IGSF11: variants seen among roughly 807,000 people sequenced by gnomAD.
IGSF11 encodes CXADR like 1.
In IGSF11, 22 loss-of-function variants were observed where a neutral mutation model predicts 41.0. The ratio of observed to expected loss-of-function variants is 0.54; its 90% CI spans 0.38 to 0.77. IGSF11 has a LOEUF of 0.77. Ranked by LOEUF, IGSF11 falls within the 30% of genes least tolerant of loss-of-function variation. IGSF11 has a pLI of 0.00. For synonymous variants in IGSF11, 219 were observed against 201.3 expected, an observed-to-expected ratio of 1.09 and a Z score of -0.74; for missense variants, 444 against 530.8, an observed-to-expected ratio of 0.84 and a Z score of 1.61.
At chr3:118,926,351 A>G in intron 3 of IGSF11, 95 bp from the exon 4 acceptor site, 2 of 1,042,460 alleles carry the variant, frequency 1.9e-6, no homozygotes, top group Non-Finnish European at 2.7e-6. Context: ...GGACCCTTAG[A>G]TTACACTGTT....
At chr3:119,106,897 T>A (rs1164874283), upstream of IGSF11, among the ~76,000 whole-genome samples, 1 of 152,234 alleles carries the variant, frequency 6.6e-6, no homozygotes, top group African/African-American at 2.4e-5. Context: ...TTCATCCATG[T>A]CCCTACAAAG....
intron 1 of IGSF11, among the ~76,000 whole-genome samples, chr3:119,123,764 T>G (rs2077364188): frequency 6.6e-6 from 1 of 152,180 alleles, no homozygotes. Context: ...ACTGCCAAGG[T>G]AGCACCTCGA....
Position 119,059,579 on chromosome 3 carries a change from T to C in IGSF11, c.49+45565A>G, listed in dbSNP as rs529436705. Among the ~76,000 whole-genome samples the C allele has an allele frequency of 4.6e-5, 7 of 152,232 alleles. No homozygotes were observed. In the South Asian group the frequency reaches 1.5e-3, roughly 32 times the overall value. On this transcript the variant is annotated intron_variant, in intron 1 of 6. Transcript: ENST00000354673. ...TGAAATAATTTTTGAAAAGGATACA[T>C]TTATTATTTTTCAGTACAACTAGAA...
upstream of IGSF11, among the ~76,000 whole-genome samples, chr3:119,106,518 G>A (rs182456708): frequency 1.3e-4 from 20 of 152,190 alleles, 1 homozygote; most frequent in African/African-American, 4.8e-4. Context: ...CATCCATGTT[G>A]TCAAAAATAA....
intron 1 of IGSF11, among the ~76,000 whole-genome samples, chr3:119,012,260 T>A (rs1163824824): frequency 6.6e-6 from 1 of 152,164 alleles, no homozygotes; most frequent in African/African-American, 2.4e-5. Context: ...GATTAGTCTC[T>A]CAAGGCAAAT....
intron 1 of IGSF11, among the ~76,000 whole-genome samples, chr3:118,944,368 C>T (rs1206820780): frequency 1.3e-5 from 2 of 151,682 alleles, no homozygotes; most frequent in South Asian, 2.1e-4. Context: ...TCTTACAGTA[C>T]TTTCTTCCAC....
At chr3:119,025,242 G>C (rs191353433) in intron 1 of IGSF11, among the ~76,000 whole-genome samples, 32 of 152,112 alleles carry the variant, frequency 2.1e-4, no homozygotes, top group Non-Finnish European at 2.4e-4. Context: ...TTTCAATACT[G>C]GAAACCATGT....
chr3:119,085,447 T>C (rs1483993247), intron 1 of IGSF11, among the ~76,000 whole-genome samples: 1 of 152,126 alleles, frequency 6.6e-6, no homozygotes, highest in Non-Finnish European at 1.5e-5. Flanking sequence ...TGAGATAGAA[T>C]CAGTGCAAGA....
chr3:118,904,281 G>A (rs7624134), intron 6 of IGSF11, among the ~76,000 whole-genome samples: 3,634 of 152,182 alleles, frequency 0.024, 147 homozygotes, highest in African/African-American at 0.083. Context: ...ATGCTCTTAC[G>A]GAGTTCCTTC....
chr3:118,904,453 C>T (rs529131849), intron 6 of IGSF11, among the ~76,000 whole-genome samples, 195 bp downstream of exon 6: 1 of 152,264 alleles, frequency 6.6e-6, no homozygotes, highest in Admixed American at 6.5e-5. Context: ...CTGGACCTTT[C>T]CCTCCTTCAT....
chr3:119,063,994 C>T (rs1393256101), intron 1 of IGSF11, among the ~76,000 whole-genome samples: 1 of 152,110 alleles, frequency 6.6e-6, no homozygotes, highest in Non-Finnish European at 1.5e-5. Context: ...CATGGAGTTG[C>T]ACATGTTCCA....
Position 118,954,867 on chromosome 3 carries a change from C to T in IGSF11, c.53-24592G>A, listed in dbSNP as rs1026077404. Among the ~76,000 whole-genome samples, 3 of 151,928 alleles carry T rather than the reference C, an allele frequency of 2.0e-5. No individual in the cohort carries two copies. The South Asian group carries it at 6.2e-4, about 32-fold the overall frequency. On this transcript the variant is annotated intron_variant, in intron 1 of 6. Transcript: ENST00000393775. ...ACTTCAAAACCACAATGCGATACCA[C>T]CTTACTCCTGCAAGAATGGCCATAA... is the stretch of plus-strand genomic sequence containing the variant.
intron 1 of IGSF11, among the ~76,000 whole-genome samples, chr3:119,059,494 G>T (rs1177988556): frequency 6.6e-6 from 1 of 152,066 alleles, no homozygotes; most frequent in Non-Finnish European, 1.5e-5. Context: ...CAAAATGTCA[G>T]AATTCACCAA....
At chr3:118,917,342 A>G (rs1311377228) in intron 4 of IGSF11, among the ~76,000 whole-genome samples, 1 of 150,782 alleles carries the variant, frequency 6.6e-6, no homozygotes, top group African/African-American at 2.5e-5. Flanking sequence ...AAGGATCAAC[A>G]AAATTGATAG....
At chr3:118,910,097 T>C (rs1054855245) in intron 4 of IGSF11, among the ~76,000 whole-genome samples, 1 of 152,218 alleles carries the variant, frequency 6.6e-6, no homozygotes, top group Admixed American at 6.5e-5. Flanking sequence ...TACCCACTTC[T>C]GTTGACTCTG....
intron 4 of IGSF11, among the ~76,000 whole-genome samples, chr3:118,907,616 C>T (rs543589843): frequency 2.0e-5 from 3 of 152,238 alleles, no homozygotes; most frequent in South Asian, 2.1e-4. Flanking sequence ...TACTCTTTAG[C>T]GTCTGTTGTG....
chr3:119,135,596 C>T (rs1436759673), intron 1 of IGSF11, among the ~76,000 whole-genome samples: 13 of 152,084 alleles, frequency 8.5e-5, no homozygotes, highest in Admixed American at 7.9e-4. Flanking sequence ...GAAATAGGAA[C>T]GTTTTTATAC....
intron 1 of IGSF11, among the ~76,000 whole-genome samples, chr3:119,143,438 T>C (rs1470562263): frequency 1.3e-5 from 2 of 152,194 alleles, no homozygotes; most frequent in Admixed American, 6.5e-5. Flanking sequence ...AATTGTAATC[T>C]CTAAGTAACC....
chr3:118,935,175 G>A (rs1315918964), intron 1 of IGSF11, among the ~76,000 whole-genome samples: 5 of 149,732 alleles, frequency 3.3e-5, no homozygotes, highest in African/African-American at 1.2e-4. Context: ...ATACATACAT[G>A]TTGCTAAATT....
Sources: gnomAD v4.1 joint callset for allele counts (sites outside exome capture counted in the v4.1 genomes callset) on GRCh38, gnomAD v4.1.1 for gene constraint, MANE v1.5 for transcripts, NCBI Gene and HGNC (gene_info 2026-07-23, HGNC 2026-07-21) for gene names.